OTOF: variants seen among roughly 807,000 people sequenced by gnomAD.
OTOF encodes otoferlin.
A neutral mutation model predicts 236.8 loss-of-function variants in OTOF; 218 were observed. That is an observed-to-expected ratio of 0.92 (90% CI 0.82 to 1.03). The LOEUF (loss-of-function observed/expected upper bound fraction) is 1.03, where lower values mean the gene tolerates loss of function less well. Among genes scored for constraint, OTOF ranks in the 50% least tolerant of loss-of-function variants. The pLI, the probability that OTOF is intolerant of heterozygous loss-of-function variation, is 0.00. For synonymous variants in OTOF, 1,041 were observed against 1,072.5 expected, an observed-to-expected ratio of 0.97 and a Z score of 0.57; for missense variants, 2,590 against 2,694.4, an observed-to-expected ratio of 0.96 and a Z score of 0.86.
intron 1 of OTOF, among the ~76,000 whole-genome samples, chr2:26,544,944 A>G (rs991789835): frequency 1.3e-5 from 2 of 151,888 alleles, no homozygotes; most frequent in Non-Finnish European, 2.9e-5. Context: ...GGGAGGCTGA[A>G]GCAGGAGAAT....
rs551055867 is a variant in OTOF at position 26,529,545 on chromosome 2, AGGCCCTC to A, written c.139-1632_139-1626del. On this transcript the variant is annotated intron_variant, in intron 2 of 46. Coordinates refer to ENST00000272371, the MANE Select transcript of OTOF (RefSeq NM_194248.3). Reference sequence around the variant, plus strand: ...TGGAGCACTCTGTTGCTGGCTGAGCAGGCCCTCGGGAGGAGGCTTCTGTGAGCCCACC... The same window carrying A: ...TGGAGCACTCTGTTGCTGGCTGAGCAGGGAGGAGGCTTCTGTGAGCCCACC... 1.8e-3 allele frequency among the ~76,000 whole-genome samples: 276 copies of A among 152,248 alleles called. 1 individual carries two copies. The highest frequency in any genetic ancestry group is 6.3e-3 in the African/African-American group (262 of 41,526).
Position 26,477,809 on chromosome 2 carries a change from A to G in OTOF, c.2215-60T>C, listed in dbSNP as rs1665393129. On this transcript the variant is annotated intron_variant, in intron 18 of 46. Coordinates refer to ENST00000272371, the MANE Select transcript of OTOF (RefSeq NM_194248.3). This position sits in a 1 kb window ranked among gnomAD's most constrained non-coding sequence, Gnocchi z 4.7. ...AGCCCCGCCTCCCCAGCCTCCCCAA[A>G]TGCCTCCTCCCTGTTGATCAGGGGA... The G allele has an allele frequency of 6.2e-7, 1 of 1,600,674 alleles. No individual in the cohort carries two copies. Among genetic ancestry groups the G allele is most frequent in the South Asian group, 1.1e-5 (1 of 89,434 alleles).
chr2:26,532,900 A>G lies in OTOF; in HGVS notation c.138+4816T>C, dbSNP rs1437008246. On this transcript the variant is annotated intron_variant, in intron 2 of 46. Coordinates refer to ENST00000272371, the MANE Select transcript of OTOF (RefSeq NM_194248.3). ...GGGCCTGGAACCATCCTAAATCAGC[A>G]AGGTAGCATCCTTAAAGGGACAGGG... is the stretch of plus-strand genomic sequence containing the variant. Among the ~76,000 whole-genome samples, 3 of 152,198 alleles carry G rather than the reference A, an allele frequency of 2.0e-5. No homozygotes were observed. In the East Asian group the frequency reaches 5.8e-4, roughly 29 times the overall value.
rs760507677 is a variant in OTOF at position 26,537,711 on chromosome 2, C to T, written c.138+5G>A. 8.4e-6 allele frequency: 13 copies of T among 1,552,164 alleles called. No homozygotes were observed. The highest frequency in any genetic ancestry group is 2.4e-5 in the East Asian group (1 of 41,078). ...TGAGGGAGGGGGGAGTCTTGGGCCT[C>T]CTACCTCATCAAAGTCAGCCACATC... On this transcript the variant is annotated splice_donor_5th_base_variant and intron_variant, in intron 2 of 46. Coordinates refer to ENST00000272371, the MANE Select transcript of OTOF (RefSeq NM_194248.3).
At chr2:26,514,093 C>T (rs2148094800) in intron 5 of OTOF, among the ~76,000 whole-genome samples, 1 of 152,374 alleles carries the variant, frequency 6.6e-6, no homozygotes, top group African/African-American at 2.4e-5. Context: ...TTCTCAACCC[C>T]TCTTTTCCAC....
rs80356590 is a variant in OTOF, at chr2:26,479,356, G to T, written c.2122C>A (p.Arg708=). The part of the protein sequence containing the change: ...RNYFHLPYLE[R]KPCIYIKSWW... Reference sequence around the variant, plus strand: ...CTCTTGATGTAGATGCAGGGCTTTCGCTCCAGGTAGGGCAGATGGAAGTAG... The same window carrying T: ...CTCTTGATGTAGATGCAGGGCTTTCTCTCCAGGTAGGGCAGATGGAAGTAG... The change falls in exon 18 of 47, where the codon CGA becomes AGA. Residue 708 remains arginine, a synonymous_variant. Coordinates refer to ENST00000272371, the MANE Select transcript of OTOF (RefSeq NM_194248.3). 10 of 1,612,808 alleles carry T rather than the reference G, an allele frequency of 6.2e-6. No individual in the cohort carries two copies. In the African/African-American group the frequency reaches 1.2e-4, roughly 19 times the overall value.
intron 2 of OTOF, 62 bp from the exon 3 acceptor site, chr2:26,527,982 G>A: frequency 8.4e-7 from 1 of 1,196,604 alleles, no homozygotes; most frequent in Non-Finnish European, 1.2e-6. Flanking sequence ...GTGGGGTGTG[G>A]GAGGGGAATC....
At chr2:26,543,587 C>CTTGGG (rs111409642) in intron 1 of OTOF, among the ~76,000 whole-genome samples, 49,331 of 151,822 alleles carry the variant, frequency 0.32, 9,107 homozygotes, top group East Asian at 0.82. Flanking sequence ...TCTCTTTGCC[C>CTTGGG]TTGTTTCCTC....
chr2:26,510,532 C>T lies in OTOF; in HGVS notation c.509+5886G>A, dbSNP rs560931368. Among the ~76,000 whole-genome samples the T allele has an allele frequency of 7.9e-5, 12 of 152,240 alleles. No individual in the cohort carries two copies. The South Asian group carries it at 1.5e-3, about 18-fold the overall frequency. On this transcript the variant is annotated intron_variant, in intron 5 of 46. Coordinates refer to ENST00000272371, the MANE Select transcript of OTOF (RefSeq NM_194248.3). ...CTAACCCCTCCTCATCCCTCACCCC[C>T]GTGGCCAGGTGAAAAGGCCTCCCTG...
At chr2:26,512,925 G>A (rs546093199) in intron 5 of OTOF, among the ~76,000 whole-genome samples, 40 of 152,316 alleles carry the variant, frequency 2.6e-4, no homozygotes, top group African/African-American at 9.1e-4. Context: ...ATGGGGAGGG[G>A]GGTTCCCAAT....
chr2:26,549,035 C>CT (rs1215807107), intron 1 of OTOF, among the ~76,000 whole-genome samples: 1 of 152,068 alleles, frequency 6.6e-6, no homozygotes, highest in Admixed American at 6.5e-5. Context: ...TTACACTTTT[C>CT]TTCTTTTCTG....
intron 11 of OTOF, among the ~76,000 whole-genome samples, chr2:26,486,344 G>A (rs530591417): frequency 6.6e-6 from 1 of 151,392 alleles, no homozygotes; most frequent in Admixed American, 6.6e-5. Context: ...ATGGGTGGGT[G>A]GGTGGACCAA....
chr2:26,495,095 G>A (rs1187337731), intron 8 of OTOF, 22 bp from the exon 9 acceptor site: 1 of 1,613,898 alleles, frequency 6.2e-7, no homozygotes. Flanking sequence ...AGAAGGGGGA[G>A]CCAGAAGGAA....
At chr2:26,532,956 A>G (rs905880085) in intron 2 of OTOF, among the ~76,000 whole-genome samples, 1 of 152,178 alleles carries the variant, frequency 6.6e-6, no homozygotes, top group Non-Finnish European at 1.5e-5. Flanking sequence ...ATTGAGATGC[A>G]CTACAAAGCT....
Position 26,461,325 on chromosome 2 carries a change from C to T in OTOF, c.5534-295G>A, listed in dbSNP as rs1664453201. ...TCCATTCTGTCAAAGTCCTGCTAAT[C>T]CCACAAGCTTTTGCAGATGCAGATT... On this transcript the variant is annotated intron_variant, in intron 43 of 46. Transcript: ENST00000272371. The surrounding 1 kb of genome is among the most constrained non-coding windows in gnomAD (Gnocchi z 6.2). 1.3e-5 allele frequency among the ~76,000 whole-genome samples: 2 copies of T among 152,218 alleles called. No homozygotes were observed. Among genetic ancestry groups the T allele is most frequent in the African/African-American group, 4.8e-5 (2 of 41,452 alleles).
rs1414744168 is a variant in OTOF, at chr2:26,460,454, T to C, written c.5813+193A>G. Among the ~76,000 whole-genome samples, 1 of 152,186 alleles carries C rather than the reference T, an allele frequency of 6.6e-6. No individual in the cohort carries two copies. The highest frequency in any genetic ancestry group is 1.5e-5 in the Non-Finnish European group (1 of 68,018). On this transcript the variant is annotated intron_variant, in intron 45 of 46. Transcript: ENST00000272371. The surrounding 1 kb of genome is among the most constrained non-coding windows in gnomAD (Gnocchi z 5.3). ...GCCTTTCCCAGGGAAGGTCCTGCTC[T>C]CCAGTATTCCTAGCCCATCCTCTGG...
chr2:26,538,352 T>A (rs1010851112), intron 1 of OTOF, among the ~76,000 whole-genome samples: 1 of 152,220 alleles, frequency 6.6e-6, no homozygotes, highest in Non-Finnish European at 1.5e-5. Flanking sequence ...TGGTTGTCCG[T>A]CTTCCTGTCA....
chr2:26,527,988 G>A (rs984359586), intron 2 of OTOF, 68 bp from the exon 3 acceptor site: 3 of 1,136,792 alleles, frequency 2.6e-6, no homozygotes, highest in African/African-American at 1.5e-5. Context: ...TGTGGGAGGG[G>A]AATCTCTTGT....
In OTOF at chr2:26,470,685, CCTTCTT is replaced by C. The variant is rs368148603; in HGVS notation, c.3925_3930del (p.Lys1309_Lys1310del). The C allele has an allele frequency of 6.2e-6, 10 of 1,609,520 alleles. No individual in the cohort carries two copies. The highest frequency in any genetic ancestry group is 1.6e-4 in the Middle Eastern group (1 of 6,072). ...TCCTCCTCTGGCTCCTCCGCAGTGC[CCTTCTT>C]CTTCTTCTTCTTCTCCTTCTCCTCC... On this transcript the variant is annotated inframe_deletion, in exon 32 of 47. Coordinates refer to ENST00000272371, the MANE Select transcript of OTOF (RefSeq NM_194248.3). This position sits in a 1 kb window ranked among gnomAD's most constrained non-coding sequence, Gnocchi z 4.3.
Sources: allele counts gnomAD v4.1 joint callset (sites outside exome capture counted in the v4.1 genomes callset), GRCh38; gene constraint gnomAD v4.1.1; non-coding constraint Gnocchi (gnomAD v3.1); transcripts MANE v1.5; gene names NCBI Gene and HGNC (gene_info 2026-07-23, HGNC 2026-07-21).